Variants in SLC6A11 observed in about 807,000 individuals in gnomAD.
The protein encoded by SLC6A11 is solute carrier family 6 member 11.
Under a neutral mutation model 74.8 loss-of-function variants are expected in SLC6A11, and 25 were observed. The ratio of observed to expected loss-of-function variants is 0.33; its 90% confidence interval spans 0.24 to 0.47. SLC6A11 has a LOEUF of 0.47. SLC6A11 is among the 20% of genes least tolerant of loss of function. The probability of loss-of-function intolerance (pLI) is 1.00; values close to 1 mark genes in which losing one functional copy is unlikely to be tolerated. For missense variants in SLC6A11, 574 were observed against 837.0 expected, an observed-to-expected ratio of 0.69 and a Z score of 3.88; for synonymous variants, 330 against 330.2, an observed-to-expected ratio of 1.00 and a Z score of 0.01.
At chr3:10,819,945 C>A in intron 3 of SLC6A11, 93 bp downstream of exon 3, 1 of 1,381,506 alleles carries the variant, frequency 7.2e-7, no homozygotes, top group Non-Finnish European at 1.0e-6. Context: ...GGTCCCTGGC[C>A]TCTCGTCATG....
intron 6 of SLC6A11, among the ~76,000 whole-genome samples, chr3:10,877,048 C>G (rs1694917394): frequency 1.3e-5 from 2 of 152,120 alleles, no homozygotes; most frequent in Non-Finnish European, 2.9e-5. Flanking sequence ...TGGAGAGCCC[C>G]CACTTTTCCA....
In SLC6A11 at chr3:10,940,345, C is replaced by T. The variant is rs1468359632; in HGVS notation, c.*1943C>T. On this transcript the variant is annotated 3_prime_UTR_variant, in exon 14 of 14. Coordinates refer to ENST00000254488, the MANE Select transcript of SLC6A11 (RefSeq NM_014229.3). Reference sequence around the variant, plus strand: ...TCCCATTGCTGCTGCTACCGGTTCTCCACAGATCCCTGTGGTCCGCCATCG... The same window carrying T: ...TCCCATTGCTGCTGCTACCGGTTCTTCACAGATCCCTGTGGTCCGCCATCG... 6.6e-6 allele frequency: 1 copy of T among 152,068 alleles called. No individual in the cohort carries two copies. Among genetic ancestry groups the T allele is most frequent in the Non-Finnish European group, 1.5e-5 (1 of 68,016 alleles). The allele number at this position is 152,068 out of a possible 1,614,324, so 9.4% of individuals were successfully genotyped here.
chr3:10,868,605 T>A (rs1378241402), intron 5 of SLC6A11, among the ~76,000 whole-genome samples: 1 of 152,184 alleles, frequency 6.6e-6, no homozygotes, highest in African/African-American at 2.4e-5. Context: ...GGACTGAGGG[T>A]TCTGACAGAT....
chr3:10,872,558 G>A (rs981222151), intron 5 of SLC6A11, among the ~76,000 whole-genome samples: 1 of 152,150 alleles, frequency 6.6e-6, no homozygotes, highest in Non-Finnish European at 1.5e-5. Flanking sequence ...ATGACCTCCT[G>A]TCTATAAGTC....
intron 4 of SLC6A11, among the ~76,000 whole-genome samples, chr3:10,826,677 T>C (rs1694214180): frequency 6.6e-6 from 1 of 152,218 alleles, no homozygotes; most frequent in East Asian, 1.9e-4. Flanking sequence ...ATAAACTAGA[T>C]GGATGGATGA....
intron 6 of SLC6A11, among the ~76,000 whole-genome samples, chr3:10,887,067 AGATG>A (rs1268552328): frequency 6.6e-6 from 1 of 152,004 alleles, no homozygotes; most frequent in African/African-American, 2.4e-5. Context: ...ATGTATGGAC[AGATG>A]GATGGATGGA....
At chr3:10,933,042 G>A in intron 10 of SLC6A11, 109 bp from the exon 11 acceptor site, 2 of 751,744 alleles carry the variant, frequency 2.7e-6, no homozygotes, top group South Asian at 3.2e-5. Context: ...ATTCCTGGCA[G>A]TGGTAGCCAC....
chr3:10,890,520 C>G (rs1451361750), intron 6 of SLC6A11, among the ~76,000 whole-genome samples: 1 of 152,240 alleles, frequency 6.6e-6, no homozygotes, highest in East Asian at 1.9e-4. Context: ...CGGTGTGGTG[C>G]TGACTCAGTC....
chr3:10,928,180 G>A (rs576834324), intron 9 of SLC6A11, among the ~76,000 whole-genome samples: 4 of 152,212 alleles, frequency 2.6e-5, no homozygotes, highest in African/African-American at 7.2e-5. Context: ...GCTATTATTC[G>A]TGTTATTATT....
intron 6 of SLC6A11, among the ~76,000 whole-genome samples, chr3:10,884,316 C>G (rs892410466): frequency 1.3e-5 from 2 of 152,142 alleles, no homozygotes; most frequent in African/African-American, 2.4e-5. Flanking sequence ...AGGTACTGTG[C>G]TTTAGAAACT....
At chr3:10,925,020 A>G (rs893396507) in intron 8 of SLC6A11, among the ~76,000 whole-genome samples, 2 of 152,324 alleles carry the variant, frequency 1.3e-5, no homozygotes, top group East Asian at 1.9e-4. Context: ...ACGAAAAAAA[A>G]TTGAATTGAT....
chr3:10,834,540 G>A (rs763022504), intron 4 of SLC6A11, among the ~76,000 whole-genome samples: 17 of 152,070 alleles, frequency 1.1e-4, no homozygotes, highest in Non-Finnish European at 5.9e-5. Flanking sequence ...GTCAGGACCC[G>A]TCAGGAGCAG....
In SLC6A11 at chr3:10,873,552, A is replaced by ATGG. The variant is rs1559566887; in HGVS notation, c.757-1409_757-1408insTGG. 4.6e-3 allele frequency among the ~76,000 whole-genome samples: 658 copies of ATGG among 142,396 alleles called. 2 individuals are homozygous for ATGG. The highest frequency in any genetic ancestry group is 7.6e-3 in the African/African-American group (281 of 36,874). 93.4% of individuals were successfully genotyped at this position (142,396 alleles called of 152,430 possible). On this transcript the variant is annotated intron_variant, in intron 5 of 13. Transcript: ENST00000254488. ...ATCCTGTCCTATCCTATCCTATCCTACCCTACCCTACCCTACCCTACCCTA... is the reference window on the plus strand; with the variant it reads ...ATCCTGTCCTATCCTATCCTATCCTATGGCCCTACCCTACCCTACCCTACCCTA...
rs911987284 is a variant in SLC6A11, at chr3:10,816,669, C to T, written c.256+148C>T. 16 of 847,288 alleles carry T rather than the reference C, an allele frequency of 1.9e-5. 1 individual carries two copies. The highest frequency in any genetic ancestry group is 3.8e-4 in the Middle Eastern group (1 of 2,600). The allele number at this position is 847,288 out of a possible 1,614,324, so 52.5% of individuals were successfully genotyped here. ...ACTCCAGGCACCTCGCGTGTGAGCT[C>T]GCCCCGGAGCGCGGCCCACCTGTGC... On this transcript the variant is annotated intron_variant, in intron 1 of 13. Transcript: ENST00000254488. The surrounding 1 kb of genome is among the most constrained non-coding windows in gnomAD (Gnocchi z 4.2).
chr3:10,925,508 G>A (rs927928150), intron 8 of SLC6A11, among the ~76,000 whole-genome samples: 2 of 152,184 alleles, frequency 1.3e-5, no homozygotes, highest in African/African-American at 4.8e-5. Context: ...ACTAAAACAA[G>A]GGAGTGTAGA....
intron 6 of SLC6A11, among the ~76,000 whole-genome samples, chr3:10,904,294 G>A (rs1176971774): frequency 6.6e-6 from 1 of 152,220 alleles, no homozygotes; most frequent in Admixed American, 6.5e-5. Flanking sequence ...ATTATTCATT[G>A]TTCTCTGTAC....
In SLC6A11 at chr3:10,816,515, G is replaced by A; in HGVS notation, c.250G>A (p.Gly84Arg). 6.2e-7 allele frequency: 1 copy of A among 1,601,138 alleles called. No individual in the cohort carries two copies. Among genetic ancestry groups the A allele is most frequent in the Non-Finnish European group, 8.5e-7 (1 of 1,174,142 alleles). Residue 84 changes from glycine to arginine, a missense_variant, in exon 1 of 14, where the codon GGA (glycine) becomes AGA (arginine). Transcript: ENST00000254488. The surrounding 1 kb of genome is among the most constrained non-coding windows in gnomAD (Gnocchi z 4.2). ...WRFPYLCYKN[G>R]GGAFLIPYVV... ...CTTCCCCTACCTGTGCTACAAGAAC[G>A]GAGGAGGTGAGGTGATAGTGAGGAG...
chr3:10,911,470 AG>A (rs924350784), intron 6 of SLC6A11, among the ~76,000 whole-genome samples: 14 of 152,090 alleles, frequency 9.2e-5, no homozygotes, highest in African/African-American at 1.4e-4. Flanking sequence ...GGAAGCCTAG[AG>A]GGGGGGAGTC....
chr3:10,823,425 G>A (rs1170814843), intron 4 of SLC6A11, 33 bp downstream of exon 4: 2 of 1,421,898 alleles, frequency 1.4e-6, no homozygotes, highest in South Asian at 2.3e-5. Flanking sequence ...CCCTTGGCCT[G>A]TGGGGGCTCT....
Sources: allele counts gnomAD v4.1 joint callset (sites outside exome capture counted in the v4.1 genomes callset), GRCh38; gene constraint gnomAD v4.1.1; non-coding constraint Gnocchi (gnomAD v3.1); transcripts MANE v1.5; gene names NCBI Gene and HGNC (gene_info 2026-07-23, HGNC 2026-07-21).